The following TSHZ2 variants were observed in gnomAD, a reference collection of about 807,000 sequenced individuals.
TSHZ2 encodes teashirt homolog 2.
TSHZ2 carries 21 observed loss-of-function variants against 74.4 expected under a neutral mutation model. The ratio of observed to expected loss-of-function variants is 0.28; its 90% CI spans 0.20 to 0.41. The LOEUF is 0.41. Among genes scored for constraint, TSHZ2 ranks in the 10% least tolerant of loss-of-function variants. The pLI, the probability that TSHZ2 is intolerant of heterozygous loss-of-function variation, is 1.00. For missense variants in TSHZ2, 1,244 were observed against 1,293.5 expected (o/e 0.96, Z 0.59); for synonymous variants, 540 against 515.3 (o/e 1.05, Z -0.65).
At chr20:53,063,511 A>G (rs1984883584) in intron 1 of TSHZ2, among the ~76,000 whole-genome samples, 1 of 152,196 alleles carries the variant, frequency 6.6e-6, no homozygotes, top group Admixed American at 6.5e-5. Context: ...AAATAAACTT[A>G]CTACTTTCAC....
intron 2 of TSHZ2, among the ~76,000 whole-genome samples, chr20:53,472,391 C>A (rs893112536): frequency 1.3e-5 from 2 of 152,170 alleles, no homozygotes; most frequent in East Asian, 3.9e-4. Flanking sequence ...GACGACCGAA[C>A]TTTCTGGCTG....
chr20:53,203,937 AAT>A (rs1347198791), intron 1 of TSHZ2, among the ~76,000 whole-genome samples: 1 of 151,816 alleles, frequency 6.6e-6, no homozygotes, highest in African/African-American at 2.4e-5. Context: ...TCCAAATTAA[AAT>A]ATACTGTAAG....
chr20:53,157,565 C>A (rs1045069078), intron 1 of TSHZ2, among the ~76,000 whole-genome samples: 2 of 151,982 alleles, frequency 1.3e-5, no homozygotes, highest in African/African-American at 4.8e-5. Flanking sequence ...CACTACCATG[C>A]CACGCCCCGA....
chr20:53,396,739 C>T (rs1006808012), intron 2 of TSHZ2, among the ~76,000 whole-genome samples: 20 of 150,818 alleles, frequency 1.3e-4, no homozygotes, highest in African/African-American at 4.2e-4. Flanking sequence ...CCCAGCTACT[C>T]GGGAAGCTGA....
rs1409512091 is a variant in TSHZ2 at position 53,209,455 on chromosome 20, T to C, written c.41-44044T>C. Among the ~76,000 whole-genome samples, 3 of 152,332 alleles carry C rather than the reference T, an allele frequency of 2.0e-5. No individual in the cohort carries two copies. In the East Asian group the frequency reaches 5.8e-4, roughly 29 times the overall value. ...CTACTGTGCAGTGCAGAGGGACTCATGGGCTGGCCCATTTTATCAGAGCTG... is the reference window on the plus strand; with the variant it reads ...CTACTGTGCAGTGCAGAGGGACTCACGGGCTGGCCCATTTTATCAGAGCTG... On this transcript the variant is annotated intron_variant, in intron 1 of 2. Transcript: ENST00000371497.
At chr20:53,085,402 G>C (rs1049951221) in intron 1 of TSHZ2, among the ~76,000 whole-genome samples, 5 of 152,038 alleles carry the variant, frequency 3.3e-5, no homozygotes, top group Admixed American at 1.3e-4. Context: ...AAGAAAGAAA[G>C]ACCGATATTT....
chr20:53,060,913 T>C (rs1197299615), intron 1 of TSHZ2, among the ~76,000 whole-genome samples: 1 of 152,190 alleles, frequency 6.6e-6, no homozygotes, highest in Non-Finnish European at 1.5e-5. Context: ...TTTCACAGTC[T>C]AGGTTGGGTG....
At chr20:53,085,030 T>A (rs1985654714) in intron 1 of TSHZ2, among the ~76,000 whole-genome samples, 1 of 152,112 alleles carries the variant, frequency 6.6e-6, no homozygotes, top group South Asian at 2.1e-4. Context: ...ACATGAAGAA[T>A]TTAGTCCTGT....
intron 1 of TSHZ2, among the ~76,000 whole-genome samples, chr20:53,116,276 C>G (rs940615751): frequency 6.6e-6 from 1 of 152,032 alleles, no homozygotes; most frequent in Admixed American, 6.5e-5. Context: ...GGGAGATGCC[C>G]TAGTGTTTGA....
intron 1 of TSHZ2, among the ~76,000 whole-genome samples, chr20:53,162,310 G>C (rs1449103714): frequency 6.6e-6 from 1 of 152,172 alleles, no homozygotes; most frequent in Middle Eastern, 3.2e-3. Context: ...GGGCGGGGAG[G>C]GAAGGACTGG....
At chr20:53,400,421 C>G (rs748368053) in intron 2 of TSHZ2, 1 of 152,448 alleles carries the variant, frequency 6.6e-6, no homozygotes, top group South Asian at 2.1e-4. Flanking sequence ...TACGTCGAAA[C>G]TTCCTCTGTG....
chr20:53,158,873 T>G (rs1293409), intron 1 of TSHZ2, among the ~76,000 whole-genome samples: 65,076 of 152,152 alleles, frequency 0.43, 15,825 homozygotes, highest in African/African-American at 0.68. Context: ...CCTGCCCACT[T>G]TGCACACAAA....
intron 2 of TSHZ2, chr20:53,399,745 A>C (rs187127009): frequency 6.6e-6 from 1 of 151,222 alleles, no homozygotes; most frequent in Non-Finnish European, 1.5e-5. Flanking sequence ...CTGCTGACCA[A>C]CTCTGAAGAG....
At chr20:53,447,579 C>CCTAA (rs1984602232) in intron 2 of TSHZ2, among the ~76,000 whole-genome samples, 1 of 152,212 alleles carries the variant, frequency 6.6e-6, no homozygotes, top group South Asian at 2.1e-4. Flanking sequence ...TGTTTCAGGA[C>CCTAA]CTAACTTGGG....
intron 2 of TSHZ2, among the ~76,000 whole-genome samples, chr20:53,402,332 A>G (rs923428340): frequency 6.6e-6 from 1 of 152,102 alleles, no homozygotes; most frequent in African/African-American, 2.4e-5. Flanking sequence ...AGTCTTTTCT[A>G]TGTTTAGATG....
At chr20:53,188,591 A>G (rs991226922) in intron 1 of TSHZ2, among the ~76,000 whole-genome samples, 6 of 152,222 alleles carry the variant, frequency 3.9e-5, no homozygotes, top group African/African-American at 1.2e-4. Flanking sequence ...ATGAGACAGA[A>G]TAAATGTCCA....
intron 1 of TSHZ2, among the ~76,000 whole-genome samples, chr20:53,100,890 C>G (rs1986197529): frequency 6.6e-6 from 1 of 152,172 alleles, no homozygotes; most frequent in South Asian, 2.1e-4. Context: ...GAGGCACACC[C>G]AGCATTGACA....
chr20:53,366,021 C>T (rs1190834441), intron 2 of TSHZ2, among the ~76,000 whole-genome samples: 1 of 152,200 alleles, frequency 6.6e-6, no homozygotes, highest in African/African-American at 2.4e-5. Flanking sequence ...AGTTCCCTTT[C>T]CTCAAAGGCA....
At chr20:53,047,867 T>C (rs912493332) in intron 1 of TSHZ2, among the ~76,000 whole-genome samples, 1 of 152,188 alleles carries the variant, frequency 6.6e-6, no homozygotes, top group African/African-American at 2.4e-5. Flanking sequence ...GATGTGGTGT[T>C]AGGTGCTAAA....
Sources: gnomAD v4.1 joint callset for allele counts (sites outside exome capture counted in the v4.1 genomes callset) on GRCh38, gnomAD v4.1.1 for gene constraint, MANE v1.5 for transcripts, NCBI Gene and HGNC (gene_info 2026-07-23, HGNC 2026-07-21) for gene names.